Variants in KCTD9 observed in about 807,000 individuals in gnomAD.
The protein encoded by KCTD9 is potassium channel tetramerization domain containing 9, also known as BTB/POZ domain-containing protein KCTD9.
Under a neutral mutation model 53.3 loss-of-function variants are expected in KCTD9, and 17 were observed. The ratio of observed to expected loss-of-function variants is 0.32; its 90% CI spans 0.22 to 0.48. The LOEUF is 0.48. Ranked by LOEUF, KCTD9 falls within the 20% of genes least tolerant of loss-of-function variation. The probability of loss-of-function intolerance (pLI) is 0.99; values close to 1 mark genes in which losing one functional copy is unlikely to be tolerated. For missense variants in KCTD9, 179 were observed against 465.5 expected, an observed-to-expected ratio of 0.38 and a Z score of 5.66; for synonymous variants, 128 against 162.7, an observed-to-expected ratio of 0.79 and a Z score of 1.62.
At chr8:25,439,752 T>G (rs907859899) in intron 4 of KCTD9, 88 bp from the exon 5 acceptor site, 1 of 1,592,614 alleles carries the variant, frequency 6.3e-7, no homozygotes, top group African/African-American at 1.3e-5. Context: ...TCCCAGCTGC[T>G]CTCTCAAAAA....
At chr8:25,444,011 G>T (rs1802168970) in intron 3 of KCTD9, among the ~76,000 whole-genome samples, 1 of 151,998 alleles carries the variant, frequency 6.6e-6, no homozygotes, top group African/African-American at 2.4e-5. Flanking sequence ...CAAAACAATT[G>T]TTTCTAAGAT....
At chr8:25,442,828 A>G (rs1354749717) in intron 3 of KCTD9, among the ~76,000 whole-genome samples, 1 of 152,202 alleles carries the variant, frequency 6.6e-6, no homozygotes, top group Non-Finnish European at 1.5e-5. Context: ...TTATATTGGT[A>G]CTGAAAGTAT....
At chr8:25,448,983 T>G (rs1015628951) in intron 1 of KCTD9, among the ~76,000 whole-genome samples, 3 of 152,126 alleles carry the variant, frequency 2.0e-5, no homozygotes, top group South Asian at 2.1e-4. Flanking sequence ...ATTGTTCACC[T>G]CTGCAACACA....
intron 1 of KCTD9, among the ~76,000 whole-genome samples, chr8:25,451,244 A>G (rs905553761): frequency 6.6e-6 from 1 of 152,228 alleles, no homozygotes; most frequent in Admixed American, 6.5e-5. Context: ...TATATATATC[A>G]ACATAAATTT....
intron 1 of KCTD9, among the ~76,000 whole-genome samples, chr8:25,452,457 G>A (rs1275359288): frequency 2.0e-5 from 3 of 152,150 alleles, no homozygotes; most frequent in African/African-American, 7.2e-5. Flanking sequence ...TAGAGTGGTG[G>A]TTCTCAAATG....
chr8:25,450,616 C>G (rs904429615), intron 1 of KCTD9: 1 of 165,550 alleles, frequency 6.0e-6, no homozygotes, highest in African/African-American at 2.4e-5. Context: ...GAGTTCAAGA[C>G]CAGCCTGGCC....
intron 4 of KCTD9, 129 bp from the exon 5 acceptor site, chr8:25,439,793 C>G: frequency 2.0e-6 from 3 of 1,503,116 alleles, no homozygotes; most frequent in Non-Finnish European, 2.7e-6. Flanking sequence ...AGGAGTAACG[C>G]TGGGAAACAA....
At chr8:25,434,077 A>G (rs1381176524) in intron 9 of KCTD9, among the ~76,000 whole-genome samples, 1 of 152,170 alleles carries the variant, frequency 6.6e-6, no homozygotes, top group Non-Finnish European at 1.5e-5. Flanking sequence ...ATGGTAGAAA[A>G]TATATGTTTT....
At chr8:25,441,348 C>G (rs968014125) in intron 3 of KCTD9, among the ~76,000 whole-genome samples, 4 of 152,014 alleles carry the variant, frequency 2.6e-5, no homozygotes, top group Non-Finnish European at 5.9e-5. Context: ...TTAAGAAAAA[C>G]TAATTTCATA....
At chr8:25,448,483 T>C (rs945447440) in intron 1 of KCTD9, among the ~76,000 whole-genome samples, 2 of 152,192 alleles carry the variant, frequency 1.3e-5, no homozygotes, top group African/African-American at 4.8e-5. Context: ...ATTGTGAATG[T>C]AAACAATGTC....
intron 4 of KCTD9, chr8:25,439,906 A>C (rs926478405): frequency 1.5e-6 from 1 of 646,782 alleles, no homozygotes; most frequent in African/African-American, 1.8e-5. Flanking sequence ...TTGTCTGTCT[A>C]TCCTGTAAGC....
At chr8:25,446,274 G>A (rs1802212198) in intron 1 of KCTD9, 24 bp from the exon 2 acceptor site, 2 of 1,610,728 alleles carry the variant, frequency 1.2e-6, no homozygotes, top group Non-Finnish European at 1.7e-6. Context: ...AGAATAATAT[G>A]AACAATTTCT....
chr8:25,445,238 T>A (rs1239404710), intron 2 of KCTD9, among the ~76,000 whole-genome samples: 1 of 152,202 alleles, frequency 6.6e-6, no homozygotes, highest in Non-Finnish European at 1.5e-5. Context: ...AAATCTGTTT[T>A]CATTAACAAA....
chr8:25,438,492 AC>A (rs1269367755), intron 6 of KCTD9, among the ~76,000 whole-genome samples: 1 of 152,208 alleles, frequency 6.6e-6, no homozygotes, highest in Non-Finnish European at 1.5e-5. Flanking sequence ...AATTTTAGAT[AC>A]CCAGGTTTTC....
chr8:25,448,019 T>C (rs1227265036), intron 1 of KCTD9, among the ~76,000 whole-genome samples: 1 of 151,958 alleles, frequency 6.6e-6, no homozygotes, highest in Non-Finnish European at 1.5e-5. Flanking sequence ...TCTTAGCTGC[T>C]TGGGAGGCCG....
chr8:25,428,253 TATCTCTCAATAC>T lies in KCTD9; in HGVS notation c.*1592_*1603del, dbSNP rs1313949718. On this transcript the variant is annotated 3_prime_UTR_variant, in exon 12 of 12. Transcript: ENST00000221200. ...GCACATATTGATTATGAAAATAGAT[TATCTCTCAATAC>T]AATACTTCTCTGTCTTGGTAAAAAT... The T allele has an allele frequency of 2.0e-5, 3 of 152,640 alleles. No individual in the cohort carries two copies. The highest frequency in any genetic ancestry group is 2.9e-5 in the Non-Finnish European group (2 of 68,026). 9.5% of individuals were successfully genotyped at this position (152,640 alleles called of 1,614,324 possible).
chr8:25,433,317 G>A lies in KCTD9; in HGVS notation c.919+13C>T. Reference sequence around the variant, plus strand: ...TTCCTTCGTAGAATAGGTATTTACAGAAAGGATCTCACCTTCTAAATTGGC... The same window carrying A: ...TTCCTTCGTAGAATAGGTATTTACAAAAAGGATCTCACCTTCTAAATTGGC... On this transcript the variant is annotated intron_variant, in intron 10 of 11. Transcript: ENST00000221200. 2 of 1,446,318 alleles carry A rather than the reference G, an allele frequency of 1.4e-6. No homozygotes were observed. The highest frequency in any genetic ancestry group is 2.3e-5 in the South Asian group (2 of 85,582). 89.6% of individuals were successfully genotyped at this position (1,446,318 alleles called of 1,614,324 possible). A position where few individuals can be genotyped will look rare whatever the true frequency, so the allele number is the denominator to read the frequency against.
At position 25,458,373 on chromosome 8, in the gene KCTD9, G is replaced by C; in HGVS notation, c.-127C>G. The C allele has an allele frequency of 9.4e-7, 1 of 1,062,896 alleles. No homozygotes were observed. The highest frequency in any genetic ancestry group is 2.5e-5 in the East Asian group (1 of 40,152). 65.8% of individuals were successfully genotyped at this position (1,062,896 alleles called of 1,614,324 possible). ...ATTCGCCTCCCTTCGCCACCTTCCT[G>C]CCCTTGGGGACACACCACACGCACG... On this transcript the variant is annotated 5_prime_UTR_variant, in exon 1 of 12. Coordinates refer to ENST00000221200, the MANE Select transcript of KCTD9 (RefSeq NM_017634.4).
chr8:25,454,438 G>A (rs1202411704), intron 1 of KCTD9, among the ~76,000 whole-genome samples: 2 of 152,172 alleles, frequency 1.3e-5, no homozygotes, highest in Non-Finnish European at 2.9e-5. Context: ...AAAGCACTCT[G>A]TGTTCAAGAC....
Sources: gnomAD v4.1 joint callset for allele counts (sites outside exome capture counted in the v4.1 genomes callset) on GRCh38, gnomAD v4.1.1 for gene constraint, MANE v1.5 for transcripts, NCBI Gene and HGNC (gene_info 2026-07-23, HGNC 2026-07-21) for gene names.